The following HMCN1 variants were observed in gnomAD, a reference collection of about 807,000 sequenced individuals.
HMCN1 encodes hemicentin 1, also known as hemicentin-1.
A neutral mutation model predicts 625.9 loss-of-function variants in HMCN1; 321 were observed. The ratio of observed to expected loss-of-function variants is 0.51; its 90% CI spans 0.47 to 0.56. The LOEUF (loss-of-function observed/expected upper bound fraction) is 0.56. Ranked by LOEUF, HMCN1 falls within the 20% of genes least tolerant of loss-of-function variation. HMCN1 has a pLI of 0.00. For synonymous variants in HMCN1, 2,425 were observed against 2,417.6 expected, an observed-to-expected ratio of 1.00 and a Z score of -0.09; for missense variants, 6,588 against 6,887.3, an observed-to-expected ratio of 0.96 and a Z score of 1.54.
intron 64 of HMCN1, 90 bp from the exon 65 acceptor site, chr1:186,093,044 C>T: frequency 1.3e-6 from 2 of 1,558,672 alleles, no homozygotes; most frequent in Non-Finnish European, 1.8e-6. Flanking sequence ...TTTTCCATCA[C>T]TTTCAGTAAC....
chr1:185,737,141 GT>G (rs869036220), intron 1 of HMCN1, among the ~76,000 whole-genome samples: 2 of 150,684 alleles, frequency 1.3e-5, no homozygotes, highest in Non-Finnish European at 3.0e-5. Context: ...CCTCTTTGTA[GT>G]TTTTTTGTTG....
chr1:185,826,626 A>T (rs1660528154), intron 1 of HMCN1, among the ~76,000 whole-genome samples: 1 of 152,216 alleles, frequency 6.6e-6, no homozygotes, highest in Non-Finnish European at 1.5e-5. Flanking sequence ...GGCCAACCAC[A>T]TGAAAACATA....
chr1:185,865,625 A>T, intron 3 of HMCN1, 116 bp from the exon 4 acceptor site: 2 of 756,178 alleles, frequency 2.6e-6, no homozygotes, highest in Non-Finnish European at 4.5e-6. Flanking sequence ...ACACACACAC[A>T]CACACATTCA....
intron 11 of HMCN1, among the ~76,000 whole-genome samples, chr1:185,950,498 G>A (rs1032374139): frequency 2.7e-3 from 390 of 142,652 alleles, no homozygotes; most frequent in African/African-American, 6.9e-3. Context: ...ATGCCTAGGA[G>A]GGAAAGGAGT....
In HMCN1 at chr1:186,098,808, T is replaced by G. The variant is rs113377596; in HGVS notation, c.10573+3287T>G. Among the ~76,000 whole-genome samples the G allele has an allele frequency of 7.5e-3, 1,144 of 152,198 alleles. 18 individuals are homozygous for G. The highest frequency in any genetic ancestry group is 0.027 in the African/African-American group (1,106 of 41,530). On this transcript the variant is annotated intron_variant, in intron 68 of 106. Coordinates refer to ENST00000271588, the MANE Select transcript of HMCN1 (RefSeq NM_031935.3). ...ACAATGGATGAATGAATAAAGACAA[T>G]GTAGTAGATATACACAATGCAGTAC...
intron 1 of HMCN1, among the ~76,000 whole-genome samples, chr1:185,812,371 A>G (rs1220116316): frequency 1.3e-5 from 2 of 152,196 alleles, no homozygotes; most frequent in Non-Finnish European, 2.9e-5. Context: ...TGACTTGAAA[A>G]AAATGAATAT....
At chr1:185,838,263 C>T (rs750568677) in intron 1 of HMCN1, among the ~76,000 whole-genome samples, 1 of 152,222 alleles carries the variant, frequency 6.6e-6, no homozygotes, top group Middle Eastern at 3.4e-3. Flanking sequence ...GACAGACAGG[C>T]GACCCCCAGG....
intron 1 of HMCN1, among the ~76,000 whole-genome samples, chr1:185,837,042 T>A (rs200244320): frequency 6.7e-6 from 1 of 149,376 alleles, no homozygotes; most frequent in Non-Finnish European, 1.5e-5. Context: ...ATATATAAAA[T>A]ATATATATAA....
chr1:186,052,889 G>A, intron 42 of HMCN1, 63 bp from the exon 43 acceptor site: 2 of 1,378,902 alleles, frequency 1.5e-6, no homozygotes, highest in Admixed American at 1.7e-5. Context: ...TATCTTACAT[G>A]TAAACTGTTA....
At chr1:186,084,308 A>G (rs10911814) in intron 57 of HMCN1, among the ~76,000 whole-genome samples, 96,220 of 151,886 alleles carry the variant, frequency 0.63, 32,345 homozygotes, top group African/African-American at 0.88. Context: ...CTTCATAATC[A>G]TTGCCTCTTT....
chr1:186,127,389 G>C (rs769632517), intron 82 of HMCN1, among the ~76,000 whole-genome samples: 17 of 152,170 alleles, frequency 1.1e-4, no homozygotes, highest in Non-Finnish European at 2.2e-4. Context: ...ATTGAGTACA[G>C]ATATAGAAGA....
chr1:186,131,382 C>T (rs1191292310), intron 85 of HMCN1, among the ~76,000 whole-genome samples: 1 of 152,098 alleles, frequency 6.6e-6, no homozygotes, highest in Non-Finnish European at 1.5e-5. Flanking sequence ...ACTAATATGG[C>T]TCAGCCTTCT....
chr1:186,046,740 G>A (rs911613130), intron 41 of HMCN1, among the ~76,000 whole-genome samples: 4 of 152,222 alleles, frequency 2.6e-5, no homozygotes, highest in Non-Finnish European at 4.4e-5. Flanking sequence ...AGTTTGGCTG[G>A]AACAGATAAT....
At chr1:185,783,610 C>T (rs1265695775) in intron 1 of HMCN1, among the ~76,000 whole-genome samples, 1 of 152,216 alleles carries the variant, frequency 6.6e-6, no homozygotes, top group Non-Finnish European at 1.5e-5. Flanking sequence ...TGGAGGTCCA[C>T]TCCAGACCCT....
intron 4 of HMCN1, among the ~76,000 whole-genome samples, chr1:185,905,300 A>T (rs1206119883): frequency 6.6e-6 from 1 of 151,626 alleles, no homozygotes; most frequent in African/African-American, 2.4e-5. Context: ...TTAATCAGGA[A>T]TCTTCTATAT....
In HMCN1 at chr1:185,993,188, A is replaced by T; in HGVS notation, c.3384A>T (p.Thr1128=). Residue 1128 remains threonine, a synonymous_variant, in exon 23 of 107, where the codon ACA becomes ACT. Transcript: ENST00000271588. ...TATGGTTTCTTTCTTTTAGACACAC[A>T]TTCCTCCCTTCTGGTTCAATGAAGA... ...QLISPFSPRH[T]FLPSGSMKIT... 1 of 1,612,330 alleles carries T rather than the reference A, an allele frequency of 6.2e-7. No individual in the cohort carries two copies. Among genetic ancestry groups the T allele is most frequent in the South Asian group, 1.1e-5 (1 of 91,044 alleles).
chr1:185,765,788 A>T (rs1242525204), intron 1 of HMCN1, among the ~76,000 whole-genome samples: 1 of 152,220 alleles, frequency 6.6e-6, no homozygotes, highest in Admixed American at 6.6e-5. Context: ...GCAAGTTATC[A>T]GGCTTTACTT....
chr1:186,076,733 C>T (rs1658840822), intron 54 of HMCN1, 111 bp downstream of exon 54: 2 of 1,034,268 alleles, frequency 1.9e-6, no homozygotes, highest in African/African-American at 1.6e-5. Flanking sequence ...ATTTAACTGG[C>T]AGTTAGACTG....
intron 1 of HMCN1, among the ~76,000 whole-genome samples, chr1:185,750,032 T>A (rs557806893): frequency 3.3e-5 from 5 of 152,176 alleles, no homozygotes; most frequent in African/African-American, 1.2e-4. Context: ...TGCACATGAA[T>A]CTGTCTCATT....
Sources: allele counts gnomAD v4.1 joint callset (sites outside exome capture counted in the v4.1 genomes callset), GRCh38; gene constraint gnomAD v4.1.1; transcripts MANE v1.5; gene names NCBI Gene and HGNC (gene_info 2026-07-23, HGNC 2026-07-21).